The following C7orf78 variants were observed in gnomAD, a reference collection of about 807,000 sequenced individuals.
C7orf78 encodes the protein chromosome 7 open reading frame 78.
chr7:12,539,875 C>T, the C7orf78 span, among the ~76,000 whole-genome samples: 1 of 152,176 alleles, frequency 6.6e-6, no homozygotes. Flanking sequence ...ATGAGGGCTC[C>T]AGGCTTCTCA....
the C7orf78 span, among the ~76,000 whole-genome samples, chr7:12,521,503 T>G: frequency 6.6e-6 from 1 of 152,032 alleles, no homozygotes; most frequent in Non-Finnish European, 1.5e-5. Context: ...GTTAATAAAC[T>G]GCAATATATG....
the C7orf78 span, among the ~76,000 whole-genome samples, chr7:12,500,332 G>A: frequency 6.6e-6 from 1 of 151,264 alleles, no homozygotes; most frequent in Non-Finnish European, 1.5e-5. Context: ...TAGACCGCTA[G>A]CAAGACTAGT....
At chr7:12,541,568 C>A in the C7orf78 span, 2 of 151,480 alleles carry the variant, frequency 1.3e-5, no homozygotes, top group African/African-American at 2.4e-5. Context: ...CAGTGAAGTT[C>A]TTCTACGGTT....
the C7orf78 span, among the ~76,000 whole-genome samples, chr7:12,498,298 G>A: frequency 6.6e-6 from 1 of 151,880 alleles, no homozygotes; most frequent in African/African-American, 2.4e-5. Context: ...GCTACGGGTG[G>A]ACATTCAAAC....
chr7:12,493,224 C>T, the C7orf78 span, among the ~76,000 whole-genome samples: 1 of 152,102 alleles, frequency 6.6e-6, no homozygotes, highest in Non-Finnish European at 1.5e-5. Flanking sequence ...CTATAAAATC[C>T]TTATTGGCTT....
the C7orf78 span, among the ~76,000 whole-genome samples, chr7:12,488,825 A>G: frequency 6.6e-6 from 1 of 151,972 alleles, no homozygotes; most frequent in Non-Finnish European, 1.5e-5. Context: ...AGAAAGTGCA[A>G]TTTTAACAAT....
chr7:12,532,210 C>T, the C7orf78 span, among the ~76,000 whole-genome samples: 14 of 152,182 alleles, frequency 9.2e-5, no homozygotes, highest in South Asian at 2.9e-3. Context: ...CTCAATTTTA[C>T]AGGCTGCTCT....
chr7:12,497,037 AAAAG>A, the C7orf78 span, among the ~76,000 whole-genome samples: 202 of 152,334 alleles, frequency 1.3e-3, 1 homozygote, highest in African/African-American at 4.4e-3. Flanking sequence ...ATGAACAGTT[AAAAG>A]AAAGACTCCA....
At chr7:12,490,213 G>C in the C7orf78 span, among the ~76,000 whole-genome samples, 1 of 152,024 alleles carries the variant, frequency 6.6e-6, no homozygotes, top group African/African-American at 2.4e-5. Flanking sequence ...TTTTACTTCT[G>C]ATGTAACTGA....
the C7orf78 span, chr7:12,504,491 A>G: frequency 2.0e-5 from 3 of 152,212 alleles, no homozygotes; most frequent in African/African-American, 4.8e-5. Flanking sequence ...CTTTACAGAA[A>G]AGATTTGCTG....
At chr7:12,498,478 G>T in the C7orf78 span, among the ~76,000 whole-genome samples, 1 of 151,750 alleles carries the variant, frequency 6.6e-6, no homozygotes, top group Non-Finnish European at 1.5e-5. Flanking sequence ...GGAAGAAAGG[G>T]TATCAGCAAT....
the C7orf78 span, among the ~76,000 whole-genome samples, chr7:12,520,020 G>A: frequency 6.6e-6 from 1 of 152,192 alleles, no homozygotes; most frequent in Non-Finnish European, 1.5e-5. Context: ...ACTAGTCTTA[G>A]GGTTAATGTG....
chr7:12,484,747 T>C, the C7orf78 span, among the ~76,000 whole-genome samples: 1 of 152,278 alleles, frequency 6.6e-6, no homozygotes, highest in East Asian at 1.9e-4. Flanking sequence ...ACGTTGTACT[T>C]TTATTAGTAC....
At chr7:12,486,835 C>T in the C7orf78 span, 1 of 151,926 alleles carries the variant, frequency 6.6e-6, no homozygotes, top group African/African-American at 2.4e-5. Flanking sequence ...ATTTCTTGAA[C>T]ATTTTAAGAA....
chr7:12,518,309 T>C, the C7orf78 span, among the ~76,000 whole-genome samples: 14 of 152,276 alleles, frequency 9.2e-5, no homozygotes, highest in African/African-American at 3.4e-4. Context: ...ATGCTGGCAC[T>C]GGTGTTAGTT....
At chr7:12,495,892 C>G in the C7orf78 span, among the ~76,000 whole-genome samples, 1 of 152,164 alleles carries the variant, frequency 6.6e-6, no homozygotes, top group African/African-American at 2.4e-5. Flanking sequence ...CAACTTGTTG[C>G]GTTCCCAAAT....
At chr7:12,496,289 T>A in the C7orf78 span, 1 of 152,246 alleles carries the variant, frequency 6.6e-6, no homozygotes, top group Non-Finnish European at 1.5e-5. Flanking sequence ...CATTCAGAAT[T>A]ACCTACCTGA....
the C7orf78 span, among the ~76,000 whole-genome samples, chr7:12,497,336 G>C: frequency 1.3e-5 from 2 of 152,208 alleles, no homozygotes; most frequent in Non-Finnish European, 2.9e-5. Context: ...ACTAGAGAGT[G>C]CCAGACAGTG....
chr7:12,499,722 A>G, the C7orf78 span, among the ~76,000 whole-genome samples: 10 of 151,852 alleles, frequency 6.6e-5, no homozygotes, highest in African/African-American at 2.4e-4. Flanking sequence ...GCTCTGCACC[A>G]AGTGGACCTA....
Sources: allele counts gnomAD v4.1 joint callset (sites outside exome capture counted in the v4.1 genomes callset), GRCh38; gene constraint gnomAD v4.1.1; transcripts MANE v1.5; gene names NCBI Gene and HGNC (gene_info 2026-07-23, HGNC 2026-07-21).